The following ALOX5AP variants were observed in gnomAD, a reference collection of about 807,000 sequenced individuals.
ALOX5AP encodes the protein arachidonate 5-lipoxygenase activating protein.
ALOX5AP carries 9 observed loss-of-function variants against 18.5 expected under a neutral mutation model. The observed-to-expected ratio is 0.49, with a 90% confidence interval of 0.29 to 0.85. The LOEUF (loss-of-function observed/expected upper bound fraction) is 0.85, where lower values mean the gene tolerates loss of function less well. Ranked by LOEUF, ALOX5AP falls within the 40% of genes least tolerant of loss-of-function variation. The pLI, the probability that ALOX5AP is intolerant of heterozygous loss-of-function variation, is 0.08. For synonymous variants in ALOX5AP, 81 were observed against 78.6 expected (o/e 1.03, Z -0.16); for missense variants, 172 against 202.5 (o/e 0.85, Z 0.91).
chr13:30,746,241 G>C (rs1048472254), intron 2 of ALOX5AP, among the ~76,000 whole-genome samples: 1 of 152,238 alleles, frequency 6.6e-6, no homozygotes, highest in African/African-American at 2.4e-5. Flanking sequence ...TAAGAGGAGA[G>C]TGGAAAGTGA....
intron 1 of ALOX5AP, among the ~76,000 whole-genome samples, chr13:30,743,024 C>T (rs1402316521): frequency 6.6e-6 from 1 of 152,014 alleles, no homozygotes; most frequent in Non-Finnish European, 1.5e-5. Context: ...GACAGGGTGG[C>T]TTTCTGATGA....
chr13:30,757,598 C>G (rs1048684349), intron 4 of ALOX5AP, among the ~76,000 whole-genome samples: 1 of 152,238 alleles, frequency 6.6e-6, no homozygotes, highest in East Asian at 1.9e-4. Flanking sequence ...TCTCTTTTGC[C>G]TGGCTCCCTA....
At chr13:30,751,692 T>C (rs1951853087) in intron 2 of ALOX5AP, among the ~76,000 whole-genome samples, 1 of 152,192 alleles carries the variant, frequency 6.6e-6, no homozygotes, top group African/African-American at 2.4e-5. Flanking sequence ...ACCACCCCCA[T>C]GCCAGTGTGG....
chr13:30,717,937 T>G, intron 1 of ALOX5AP, among the ~76,000 whole-genome samples: 1 of 148,558 alleles, frequency 6.7e-6, no homozygotes. Context: ...GTAGGGGGAG[T>G]AGGTGAGAAA....
At chr13:30,713,826 T>G in exon 1 of ALOX5AP, 1 of 1,531,468 alleles carries the variant, frequency 6.5e-7, no homozygotes, top group Non-Finnish European at 8.7e-7. Flanking sequence ...ATTGGGAACA[T>G]AAGCCATCAG....
At chr13:30,742,885 A>G (rs1266340194) in intron 1 of ALOX5AP, among the ~76,000 whole-genome samples, 1 of 86,780 alleles carries the variant, frequency 1.2e-5, no homozygotes, top group Non-Finnish European at 2.1e-5. Context: ...CCATCATCCA[A>G]TCTATAGTCA....
intron 1 of ALOX5AP, chr13:30,742,615 C>T (rs1340622794): frequency 1.3e-5 from 2 of 152,116 alleles, no homozygotes; most frequent in African/African-American, 2.4e-5. Context: ...TACAGATACA[C>T]TCAAAGTGGG....
At chr13:30,738,051 G>A (rs1166956855) in intron 1 of ALOX5AP, among the ~76,000 whole-genome samples, 2 of 152,060 alleles carry the variant, frequency 1.3e-5, no homozygotes, top group Admixed American at 1.3e-4. Flanking sequence ...ACCCCAAAAT[G>A]CCATTCTGAA....
intron 1 of ALOX5AP, among the ~76,000 whole-genome samples, chr13:30,723,076 G>A (rs1050878495): frequency 2.0e-5 from 3 of 152,148 alleles, no homozygotes; most frequent in Non-Finnish European, 4.4e-5. Context: ...CTAATGCTAT[G>A]GTTCCTTTAG....
Position 30,764,152 on chromosome 13 carries a change from A to G in ALOX5AP, c.*46A>G, listed in dbSNP as rs750018749. ...TGGTGTTCTCATCTAATCAATACCTACAAGTCATCATAATTCAGCTCTTGA... is the reference window on the plus strand; with the variant it reads ...TGGTGTTCTCATCTAATCAATACCTGCAAGTCATCATAATTCAGCTCTTGA... On this transcript the variant is annotated 3_prime_UTR_variant, in exon 5 of 5. Transcript: ENST00000380490. The G allele has an allele frequency of 5.1e-6, 8 of 1,570,328 alleles. No homozygotes were observed. Among genetic ancestry groups the G allele is most frequent in the South Asian group, 4.6e-5 (4 of 86,250 alleles).
upstream of ALOX5AP, among the ~76,000 whole-genome samples, chr13:30,732,873 G>C (rs1004285045): frequency 1.7e-4 from 26 of 151,930 alleles, no homozygotes; most frequent in Non-Finnish European, 3.2e-4. Context: ...AAAAAAGAGG[G>C]GGCCGGGCGC....
intron 1 of ALOX5AP, among the ~76,000 whole-genome samples, chr13:30,716,227 A>T (rs1016084633): frequency 6.6e-6 from 1 of 152,238 alleles, no homozygotes. Context: ...ACCTGGCTCC[A>T]TGCTTTGATT....
At chr13:30,734,917 T>C (rs1555255013), upstream of ALOX5AP, among the ~76,000 whole-genome samples, 1 of 152,256 alleles carries the variant, frequency 6.6e-6, no homozygotes, top group Non-Finnish European at 1.5e-5. Context: ...GTTCACTTTT[T>C]TTCTTGGAAT....
intron 1 of ALOX5AP, among the ~76,000 whole-genome samples, chr13:30,725,380 G>A (rs959780059): frequency 1.3e-5 from 2 of 152,252 alleles, no homozygotes; most frequent in Admixed American, 6.5e-5. Context: ...GATTCATTCT[G>A]ACAGCATCAG....
chr13:30,742,076 G>T (rs1481206741), intron 1 of ALOX5AP, among the ~76,000 whole-genome samples: 1 of 152,108 alleles, frequency 6.6e-6, no homozygotes, highest in Non-Finnish European at 1.5e-5. Context: ...CCAGCACTTT[G>T]GGAGGCTGAG....
intron 1 of ALOX5AP, among the ~76,000 whole-genome samples, chr13:30,740,836 T>C (rs962360673): frequency 3.9e-5 from 6 of 152,174 alleles, no homozygotes; most frequent in South Asian, 4.2e-4. Flanking sequence ...AGGGTCAAGA[T>C]CACAGTTAGA....
upstream of ALOX5AP, among the ~76,000 whole-genome samples, chr13:30,732,173 C>A (rs555383082): frequency 2.2e-4 from 34 of 152,324 alleles, no homozygotes; most frequent in Non-Finnish European, 8.8e-5. Context: ...GAGCGGGGTG[C>A]CCGGCACCTC....
At chr13:30,738,046 A>C (rs1417300555) in intron 1 of ALOX5AP, among the ~76,000 whole-genome samples, 1 of 152,176 alleles carries the variant, frequency 6.6e-6, no homozygotes, top group Non-Finnish European at 1.5e-5. Context: ...CTCATACCCC[A>C]AAATGCCATT....
At chr13:30,741,070 A>G (rs1405558776) in intron 1 of ALOX5AP, among the ~76,000 whole-genome samples, 1 of 107,982 alleles carries the variant, frequency 9.3e-6, no homozygotes, top group Non-Finnish European at 1.9e-5. Flanking sequence ...ATGGCATAGT[A>G]TTTGCATTTA....
Sources: gnomAD v4.1 joint callset for allele counts (sites outside exome capture counted in the v4.1 genomes callset) on GRCh38, gnomAD v4.1.1 for gene constraint, MANE v1.5 for transcripts, NCBI Gene and HGNC (gene_info 2026-07-23, HGNC 2026-07-21) for gene names.